Variants in SAMD4A observed in about 807,000 individuals in gnomAD.
SAMD4A encodes the protein sterile alpha motif domain containing 4A.
Under a neutral mutation model 81.3 loss-of-function variants are expected in SAMD4A, and 33 were observed. The observed-to-expected ratio is 0.41, with a 90% CI of 0.31 to 0.54. The LOEUF is 0.54. Among genes scored for constraint, SAMD4A ranks in the 20% least tolerant of loss-of-function variants. The pLI, the probability that SAMD4A is intolerant of heterozygous loss-of-function variation, is 0.37. For synonymous variants in SAMD4A, 389 were observed against 382.1 expected (o/e 1.02, Z -0.21); for missense variants, 854 against 951.1 (o/e 0.90, Z 1.34).
chr14:54,696,329 A>AT (rs2036577368), intron 2 of SAMD4A, among the ~76,000 whole-genome samples: 1 of 152,222 alleles, frequency 6.6e-6, no homozygotes, highest in Non-Finnish European at 1.5e-5. Context: ...GAGTTGCACT[A>AT]TATTTAGAAG....
intron 2 of SAMD4A, among the ~76,000 whole-genome samples, chr14:54,664,360 G>T (rs1244269380): frequency 6.6e-6 from 1 of 152,158 alleles, no homozygotes; most frequent in Non-Finnish European, 1.5e-5. Flanking sequence ...GATGTCTTTT[G>T]TAGGGGCGGC....
intron 2 of SAMD4A, among the ~76,000 whole-genome samples, chr14:54,672,301 T>C (rs756291655): frequency 2.4e-4 from 37 of 152,074 alleles, no homozygotes; most frequent in Non-Finnish European, 3.8e-4. Context: ...AATGCAGTCA[T>C]CTTTACTCTT....
At chr14:54,765,016 G>C (rs1456049580) in intron 8 of SAMD4A, among the ~76,000 whole-genome samples, 6 of 152,214 alleles carry the variant, frequency 3.9e-5, no homozygotes, top group African/African-American at 1.4e-4. Flanking sequence ...AATCGTATTT[G>C]CCACATATCC....
chr14:54,740,125 G>A lies in SAMD4A; in HGVS notation c.979+2838G>A, dbSNP rs186690102. ...ATAGAGGTTGCAGTGAGCCAAGATCGCGCCACTGCACTCCAGCCTGGGCAA... is the reference window on the plus strand; with the variant it reads ...ATAGAGGTTGCAGTGAGCCAAGATCACGCCACTGCACTCCAGCCTGGGCAA... On this transcript the variant is annotated intron_variant, in intron 4 of 12. Transcript: ENST00000554335. Among the ~76,000 whole-genome samples, 119 of 152,268 alleles carry A rather than the reference G, an allele frequency of 7.8e-4. 1 individual carries two copies. Among genetic ancestry groups the A allele is most frequent in the African/African-American group, 2.2e-3 (92 of 41,544 alleles).
intron 2 of SAMD4A, among the ~76,000 whole-genome samples, chr14:54,584,648 C>T (rs538375723): frequency 2.4e-4 from 36 of 152,272 alleles, no homozygotes; most frequent in African/African-American, 7.7e-4. Flanking sequence ...TTGAAATAGA[C>T]GATCTTTCAG....
intron 3 of SAMD4A, among the ~76,000 whole-genome samples, chr14:54,736,113 C>T (rs1370730950): frequency 6.6e-6 from 1 of 152,184 alleles, no homozygotes; most frequent in Non-Finnish European, 1.5e-5. Flanking sequence ...AACATCGGCT[C>T]CTTCAGTGTT....
intron 2 of SAMD4A, among the ~76,000 whole-genome samples, chr14:54,606,346 G>C (rs146642923): frequency 6.6e-6 from 1 of 152,200 alleles, no homozygotes; most frequent in East Asian, 1.9e-4. Context: ...GGCCATCACA[G>C]ATTCGTATGG....
intron 2 of SAMD4A, among the ~76,000 whole-genome samples, chr14:54,577,792 A>G (rs1246121398): frequency 1.3e-5 from 2 of 152,174 alleles, no homozygotes; most frequent in Admixed American, 6.5e-5. Context: ...GCGGGGGGGC[A>G]CTCGAAAGCC....
chr14:54,635,245 A>C, intron 2 of SAMD4A, among the ~76,000 whole-genome samples: 1 of 151,604 alleles, frequency 6.6e-6, no homozygotes, highest in East Asian at 1.9e-4. Flanking sequence ...CAACATGGTG[A>C]AACACCGTCT....
intron 11 of SAMD4A, among the ~76,000 whole-genome samples, chr14:54,780,301 C>T (rs1373601992): frequency 6.6e-6 from 1 of 152,202 alleles, no homozygotes; most frequent in Non-Finnish European, 1.5e-5. Flanking sequence ...GTGTGACTTA[C>T]CTGATCACCA....
At chr14:54,760,779 CA>C (rs1332355977) in intron 7 of SAMD4A, among the ~76,000 whole-genome samples, 21 of 152,286 alleles carry the variant, frequency 1.4e-4, no homozygotes, top group African/African-American at 5.1e-4. Flanking sequence ...CTCATTGGGC[CA>C]GTGGACCCTT....
rs541381127 is a variant in SAMD4A at position 54,613,828 on chromosome 14, G to A, written c.196+45716G>A. 3.9e-5 allele frequency among the ~76,000 whole-genome samples: 6 copies of A among 152,312 alleles called. 1 individual carries two copies. The highest frequency in any genetic ancestry group is 1.4e-4 in the African/African-American group (6 of 41,574). On this transcript the variant is annotated intron_variant, in intron 2 of 12. Transcript: ENST00000554335. ...TCCCTAAGGTCCTTTCAGAGGATCT[G>A]CAAGGTCAAACCCGTTTTCACAATA... is the stretch of plus-strand genomic sequence containing the variant.
rs1207271572 is a variant in SAMD4A at position 54,792,839 on chromosome 14, TGTC to T, written c.*3897_*3899del. On this transcript the variant is annotated 3_prime_UTR_variant, in exon 13 of 13. Coordinates refer to ENST00000554335, the MANE Select transcript of SAMD4A (RefSeq NM_015589.6). ...AGGAAGAAAACAGGAATGTTAATAA[TGTC>T]GAACAGAAAACTTCCTCCCTTATTA... 6.6e-6 allele frequency: 1 copy of T among 152,200 alleles called. No individual in the cohort carries two copies. 9.4% of individuals were successfully genotyped at this position (152,200 alleles called of 1,614,324 possible).
chr14:54,757,383 T>TGTGTG (rs1429967616), intron 6 of SAMD4A, among the ~76,000 whole-genome samples: 7 of 140,062 alleles, frequency 5.0e-5, no homozygotes, highest in African/African-American at 1.6e-4. Flanking sequence ...GTTTCTTTAT[T>TGTGTG]TGTGTGTGTG....
intron 2 of SAMD4A, among the ~76,000 whole-genome samples, chr14:54,568,721 A>G (rs2033034380): frequency 1.6e-5 from 2 of 127,550 alleles, no homozygotes; most frequent in South Asian, 2.7e-4. Flanking sequence ...ATATATATAT[A>G]TATATATATA....
chr14:54,589,321 C>T (rs1457384938), intron 2 of SAMD4A, among the ~76,000 whole-genome samples: 1 of 152,200 alleles, frequency 6.6e-6, no homozygotes, highest in Non-Finnish European at 1.5e-5. Flanking sequence ...CTCTGATTCA[C>T]AGACACCTAC....
In SAMD4A at chr14:54,675,367, C is replaced by CAAAAAAAAAAAAAAAAAAAA. The variant is rs59110762; in HGVS notation, c.197-26694_197-26675dup. 8.8e-4 allele frequency among the ~76,000 whole-genome samples: 66 copies of CAAAAAAAAAAAAAAAAAAAA among 75,376 alleles called. 2 individuals carry two copies. The highest frequency in any genetic ancestry group is 3.7e-3 in the East Asian group (6 of 1,630). 49.4% of individuals were successfully genotyped at this position (75,376 alleles called of 152,430 possible). On this transcript the variant is annotated intron_variant, in intron 2 of 12. Coordinates refer to ENST00000554335, the MANE Select transcript of SAMD4A (RefSeq NM_015589.6). ...GGCAACAAGAGTGAAACTCCGTCTC[C>CAAAAAAAAAAAAAAAAAAAA]AAAAAAAAAAAAAAAAAAAAGGCAG... is the stretch of plus-strand genomic sequence containing the variant.
In SAMD4A at chr14:54,678,433, T is replaced by TTGTGTGTGTGTGTGTGTGTGTGTG. The variant is rs769193366; in HGVS notation, c.197-23569_197-23546dup. On this transcript the variant is annotated intron_variant, in intron 2 of 12. Coordinates refer to ENST00000554335, the MANE Select transcript of SAMD4A (RefSeq NM_015589.6). ...GTGTCGTATTTTGGGCAGTCACCAT[T>TTGTGTGTGTGTGTGTGTGTGTGTG]TGTGTGTGTGTGTGTGTGTGTGTGT... 1.6e-4 allele frequency among the ~76,000 whole-genome samples: 13 copies of TTGTGTGTGTGTGTGTGTGTGTGTG among 81,274 alleles called. 1 individual carries two copies. The highest frequency in any genetic ancestry group is 1.8e-4 in the African/African-American group (3 of 16,958). 53.3% of individuals were successfully genotyped at this position (81,274 alleles called of 152,430 possible). A position where few individuals can be genotyped will look rare whatever the true frequency, so the allele number is the denominator to read the frequency against.
intron 2 of SAMD4A, among the ~76,000 whole-genome samples, chr14:54,615,385 T>C (rs2034465953): frequency 6.6e-6 from 1 of 152,260 alleles, no homozygotes; most frequent in African/African-American, 2.4e-5. Context: ...AATGTTTACA[T>C]GAACCACGTC....
Sources: gnomAD v4.1 joint callset for allele counts (sites outside exome capture counted in the v4.1 genomes callset) on GRCh38, gnomAD v4.1.1 for gene constraint, MANE v1.5 for transcripts, NCBI Gene and HGNC (gene_info 2026-07-23, HGNC 2026-07-21) for gene names.